The following BNC2 variants were observed in gnomAD, a reference collection of about 807,000 sequenced individuals.
BNC2 encodes the protein zinc finger protein basonuclin-2.
Under a neutral mutation model 76.3 loss-of-function variants are expected in BNC2, and 20 were observed. That is an observed-to-expected ratio of 0.26 (90% CI 0.18 to 0.38). The LOEUF is 0.38. Ranked by LOEUF, BNC2 falls within the 10% of genes least tolerant of loss-of-function variation. The pLI, the probability that BNC2 is intolerant of heterozygous loss-of-function variation, is 1.00. For missense variants in BNC2, 1,382 were observed against 1,399.8 expected, an observed-to-expected ratio of 0.99 and a Z score of 0.20; for synonymous variants, 582 against 514.8, an observed-to-expected ratio of 1.13 and a Z score of -1.77.
chr9:16,620,688 T>C (rs116176555), intron 3 of BNC2, among the ~76,000 whole-genome samples: 1,634 of 152,314 alleles, frequency 0.011, 30 homozygotes, highest in African/African-American at 0.038. Context: ...ACTCCCTTTT[T>C]TCAGTGTTAA....
intron 4 of BNC2, among the ~76,000 whole-genome samples, chr9:16,570,937 G>A (rs1349370026): frequency 6.6e-6 from 1 of 152,102 alleles, no homozygotes; most frequent in Non-Finnish European, 1.5e-5. Context: ...TTTGAATTCT[G>A]TTTACTAATT....
At chr9:16,610,259 A>G (rs1350768406) in intron 3 of BNC2, among the ~76,000 whole-genome samples, 1 of 152,310 alleles carries the variant, frequency 6.6e-6, no homozygotes, top group Admixed American at 6.5e-5. Flanking sequence ...TTATGCTCAT[A>G]GAGTGGCATT....
At chr9:16,624,580 T>C (rs1264611641) in intron 3 of BNC2, among the ~76,000 whole-genome samples, 1 of 152,190 alleles carries the variant, frequency 6.6e-6, no homozygotes, top group Non-Finnish European at 1.5e-5. Context: ...ATGGCAAGTG[T>C]TGACACTCTT....
At chr9:16,498,094 C>CAT (rs918338291) in intron 5 of BNC2, among the ~76,000 whole-genome samples, 1 of 142,656 alleles carries the variant, frequency 7.0e-6, no homozygotes, top group Non-Finnish European at 1.5e-5. Flanking sequence ...TATATTCCAT[C>CAT]ATATATATAT....
chr9:16,690,228 T>C (rs943135894), intron 3 of BNC2, among the ~76,000 whole-genome samples: 2 of 152,062 alleles, frequency 1.3e-5, no homozygotes, highest in African/African-American at 2.4e-5. Context: ...ATGTGGTGGA[T>C]CACACATGTA....
intron 1 of BNC2, among the ~76,000 whole-genome samples, chr9:16,851,793 G>A (rs796520793): frequency 7.2e-5 from 11 of 152,212 alleles, no homozygotes; most frequent in African/African-American, 2.6e-4. Context: ...CCCAGATCAC[G>A]CCAAAACAGA....
intron 1 of BNC2, among the ~76,000 whole-genome samples, chr9:16,783,734 T>G (rs1826210814): frequency 6.6e-6 from 1 of 152,196 alleles, no homozygotes. Flanking sequence ...ACTATTATAT[T>G]CACCTTTCTT....
Position 16,419,530 on chromosome 9 carries a change from A to G in BNC2, c.2759T>C (p.Ile920Thr), listed in dbSNP as rs1820666296. 2.5e-6 allele frequency: 4 copies of G among 1,614,066 alleles called. No homozygotes were observed. Among genetic ancestry groups the G allele is most frequent in the Non-Finnish European group, 3.4e-6 (4 of 1,179,992 alleles). Reference sequence around the variant, plus strand: ...CCCCATGGGGTGCTGGGCACCATATATCTTCACCAAAAATTCATCGCGGAG... The same window carrying G: ...CCCCATGGGGTGCTGGGCACCATATGTCTTCACCAAAAATTCATCGCGGAG... ...KDLRDEFLVK[I>T]YGAQHPMGLD... Residue 920 changes from isoleucine to threonine, a missense_variant, in exon 7 of 7, where the codon ATA (isoleucine) becomes ACA (threonine). Around this residue, in one of 3 missense-constraint regions of BNC2, gnomAD observed 798 missense variants for 775.5 expected, o/e 1.03. Coordinates refer to ENST00000380672, the MANE Select transcript of BNC2 (RefSeq NM_017637.6).
At chr9:16,590,830 C>T (rs1352435383) in intron 3 of BNC2, among the ~76,000 whole-genome samples, 1 of 152,034 alleles carries the variant, frequency 6.6e-6, no homozygotes, top group Non-Finnish European at 1.5e-5. Context: ...CAAAAGACGT[C>T]TATCCTAGTG....
intron 5 of BNC2, among the ~76,000 whole-genome samples, chr9:16,455,214 T>C (rs1821420671): frequency 6.6e-6 from 1 of 152,172 alleles, no homozygotes. Flanking sequence ...CAATATGTAG[T>C]TGAGTCCTGG....
At chr9:16,593,900 A>T (rs1819998999) in intron 3 of BNC2, among the ~76,000 whole-genome samples, 1 of 152,160 alleles carries the variant, frequency 6.6e-6, no homozygotes, top group African/African-American at 2.4e-5. Context: ...AGCACTTCTC[A>T]TATCTGATGA....
chr9:16,798,967 T>C (rs976437111), intron 1 of BNC2, among the ~76,000 whole-genome samples: 1 of 152,158 alleles, frequency 6.6e-6, no homozygotes, highest in South Asian at 2.1e-4. Context: ...ACTTTCTATC[T>C]ATCCAAATGT....
intron 1 of BNC2, among the ~76,000 whole-genome samples, chr9:16,801,350 A>T (rs957389707): frequency 1.3e-5 from 2 of 151,804 alleles, no homozygotes; most frequent in African/African-American, 4.8e-5. Context: ...GGTTCAAGTG[A>T]TTCTCCTGTT....
chr9:16,666,758 C>T (rs899791929), intron 3 of BNC2, among the ~76,000 whole-genome samples: 5 of 152,160 alleles, frequency 3.3e-5, no homozygotes, highest in Admixed American at 2.6e-4. Flanking sequence ...CTACACTAAT[C>T]TATACAAAGC....
intron 5 of BNC2, among the ~76,000 whole-genome samples, chr9:16,481,177 T>C (rs1336524102): frequency 6.6e-6 from 1 of 152,004 alleles, no homozygotes. Flanking sequence ...TGGAGAACCT[T>C]TGTGTCTAGC....
At chr9:16,725,677 C>A (rs928594871) in intron 3 of BNC2, among the ~76,000 whole-genome samples, 19 of 151,672 alleles carry the variant, frequency 1.3e-4, no homozygotes, top group African/African-American at 4.6e-4. Flanking sequence ...TGATGCTCAC[C>A]ATTACACATA....
intron 1 of BNC2, among the ~76,000 whole-genome samples, chr9:16,844,802 A>AT (rs768985959): frequency 6.6e-6 from 1 of 151,712 alleles, no homozygotes; most frequent in Non-Finnish European, 1.5e-5. Flanking sequence ...GCCATTTTTC[A>AT]TTTTTTTATA....
intron 5 of BNC2, among the ~76,000 whole-genome samples, chr9:16,479,845 T>C (rs1822009416): frequency 6.6e-6 from 1 of 152,214 alleles, no homozygotes; most frequent in Non-Finnish European, 1.5e-5. Context: ...GGCACAAAGA[T>C]ACTAAAATGT....
At chr9:16,503,220 A>T (rs147343716) in intron 5 of BNC2, among the ~76,000 whole-genome samples, 1 of 152,156 alleles carries the variant, frequency 6.6e-6, no homozygotes, top group Admixed American at 6.6e-5. Flanking sequence ...TTGTCCCAAA[A>T]CGTTACAACA....
Sources: allele counts gnomAD v4.1 joint callset (sites outside exome capture counted in the v4.1 genomes callset), GRCh38; gene constraint gnomAD v4.1.1; regional missense constraint gnomAD v4.1.1; transcripts MANE v1.5; gene names NCBI Gene and HGNC (gene_info 2026-07-23, HGNC 2026-07-21).